The following NLGN1 variants were observed in gnomAD, a reference collection of about 807,000 sequenced individuals.
NLGN1 encodes the protein neuroligin 1, also known as neuroligin-1.
NLGN1 carries 12 observed loss-of-function variants against 65.5 expected under a neutral mutation model. The ratio of observed to expected loss-of-function variants is 0.18; its 90% CI spans 0.12 to 0.30. NLGN1 has a LOEUF of 0.30. NLGN1 is among the 10% of genes least tolerant of loss of function. The pLI is 1.00. For synonymous variants in NLGN1, 350 were observed against 359.5 expected (o/e 0.97, Z 0.30); for missense variants, 750 against 1,007.1 (o/e 0.74, Z 3.46).
intron 2 of NLGN1, among the ~76,000 whole-genome samples, chr3:173,452,152 G>A (rs574101280): frequency 1.3e-5 from 2 of 152,062 alleles, no homozygotes; most frequent in South Asian, 2.1e-4. Flanking sequence ...TGCGTCACTC[G>A]CGCTGGGAGC....
intron 2 of NLGN1, among the ~76,000 whole-genome samples, chr3:173,548,879 A>G (rs1340559032): frequency 6.6e-6 from 1 of 151,942 alleles, no homozygotes; most frequent in Non-Finnish European, 1.5e-5. Flanking sequence ...TCTAGTATTT[A>G]TTCTACACGG....
At position 173,554,641 on chromosome 3, in the gene NLGN1, T is replaced by A. The variant is rs146288601; in HGVS notation, c.-320-49638T>A. On this transcript the variant is annotated intron_variant, in intron 2 of 6. Transcript: ENST00000457714. The stretch of plus-strand genomic sequence containing the variant: ...CAGTTTCTTCCTTTTTATTGATGAA[T>A]AGTATTCCACAATTTATCAGTTCCC... Among the ~76,000 whole-genome samples the A allele has an allele frequency of 4.4e-3, 671 of 152,342 alleles. 6 individuals are homozygous for A. Among genetic ancestry groups the A allele is most frequent in the African/African-American group, 0.016 (645 of 41,588 alleles).
intron 4 of NLGN1, among the ~76,000 whole-genome samples, chr3:174,003,748 T>C (rs989644039): frequency 6.6e-6 from 1 of 152,118 alleles, no homozygotes; most frequent in African/African-American, 2.4e-5. Flanking sequence ...TATCTGCAAA[T>C]CCTAAATGAT....
At chr3:174,294,314 CTCT>C in the NLGN1 span, among the ~76,000 whole-genome samples, 3 of 151,432 alleles carry the variant, frequency 2.0e-5, no homozygotes, top group Admixed American at 6.6e-5. Flanking sequence ...GTTTATTAAT[CTCT>C]TCTTATGAAA....
At chr3:173,942,363 G>T (rs1746311888) in intron 4 of NLGN1, among the ~76,000 whole-genome samples, 1 of 151,996 alleles carries the variant, frequency 6.6e-6, no homozygotes, top group Admixed American at 6.6e-5. Flanking sequence ...AATAGTGTTG[G>T]CTTGAAGCAG....
At chr3:173,551,087 G>T (rs1157816625) in intron 2 of NLGN1, among the ~76,000 whole-genome samples, 1 of 151,928 alleles carries the variant, frequency 6.6e-6, no homozygotes, top group African/African-American at 2.4e-5. Flanking sequence ...TTCTAATCTT[G>T]TCTCACCTTC....
chr3:174,000,183 G>T (rs1365068271), intron 4 of NLGN1, among the ~76,000 whole-genome samples: 1 of 152,058 alleles, frequency 6.6e-6, no homozygotes, highest in Non-Finnish European at 1.5e-5. Flanking sequence ...ATAATACCCT[G>T]ACTACAGATT....
chr3:173,720,687 G>T (rs1770690312), intron 3 of NLGN1, among the ~76,000 whole-genome samples: 1 of 152,112 alleles, frequency 6.6e-6, no homozygotes, highest in Non-Finnish European at 1.5e-5. Flanking sequence ...ATATATTCCA[G>T]ATCTTAACTC....
At chr3:174,038,707 T>C (rs1284664690) in intron 4 of NLGN1, among the ~76,000 whole-genome samples, 3 of 152,186 alleles carry the variant, frequency 2.0e-5, no homozygotes, top group Non-Finnish European at 4.4e-5. Context: ...TAAAGTCAGC[T>C]TCTACAATGA....
At chr3:173,948,515 C>G (rs1296773477) in intron 4 of NLGN1, among the ~76,000 whole-genome samples, 1 of 152,128 alleles carries the variant, frequency 6.6e-6, no homozygotes, top group Non-Finnish European at 1.5e-5. Context: ...ATAATTTGTC[C>G]TCTGTAGAAG....
rs201899233 is a variant in NLGN1, at chr3:173,447,822, G to A, written c.-321+12744G>A. ...TAGGTATTTTATTCTCTTTGAAGCA[G>A]TTGTGAATGGGAGTTCATTCATGAT... is the stretch of plus-strand genomic sequence containing the variant. On this transcript the variant is annotated intron_variant, in intron 2 of 6. Transcript: ENST00000457714. Among the ~76,000 whole-genome samples, 21 of 152,186 alleles carry A rather than the reference G, an allele frequency of 1.4e-4. No homozygotes were observed. In the East Asian group the frequency reaches 1.9e-3, roughly 14 times the overall value.
rs563633562 is a variant in NLGN1 at position 173,655,299 on chromosome 3, A to G, written c.493+50208A>G. ...AAAGCACCTCTGTAGAAAGTATGAA[A>G]GGTGCTTCAGAGAAGTTTTCGAGCC... On this transcript the variant is annotated intron_variant, in intron 3 of 6. Coordinates refer to ENST00000457714, the Ensembl canonical transcript of NLGN1. Among the ~76,000 whole-genome samples the G allele has an allele frequency of 2.0e-5, 3 of 152,276 alleles. No homozygotes were observed. The East Asian group carries it at 5.8e-4, about 29-fold the overall frequency.
intron 3 of NLGN1, among the ~76,000 whole-genome samples, chr3:173,650,316 T>C (rs997362753): frequency 1.3e-5 from 2 of 152,152 alleles, no homozygotes; most frequent in African/African-American, 4.8e-5. Flanking sequence ...GAATAAACTC[T>C]TGCATAGATA....
At chr3:173,808,357 A>T (rs1269954585) in intron 4 of NLGN1, among the ~76,000 whole-genome samples, 1 of 152,160 alleles carries the variant, frequency 6.6e-6, no homozygotes, top group Admixed American at 6.6e-5. Context: ...TTGAAAAAAC[A>T]TGCATTGATT....
At chr3:173,726,850 A>G (rs1468262342) in intron 3 of NLGN1, among the ~76,000 whole-genome samples, 2 of 151,990 alleles carry the variant, frequency 1.3e-5, no homozygotes, top group Non-Finnish European at 2.9e-5. Flanking sequence ...TTTAAAATTA[A>G]TAACAGTCAG....
chr3:173,900,498 G>T (rs1422879917), intron 4 of NLGN1, among the ~76,000 whole-genome samples: 14 of 151,928 alleles, frequency 9.2e-5, no homozygotes, highest in Admixed American at 9.2e-4. Context: ...TTTTTTCCAT[G>T]AATCCCTTTA....
intron 4 of NLGN1, among the ~76,000 whole-genome samples, chr3:174,068,222 T>C (rs1173165734): frequency 6.6e-6 from 1 of 151,980 alleles, no homozygotes; most frequent in African/African-American, 2.4e-5. Flanking sequence ...GGCTCTAATA[T>C]CTTGAGGACA....
intron 4 of NLGN1, among the ~76,000 whole-genome samples, chr3:173,832,857 A>C (rs1049887382): frequency 6.6e-6 from 1 of 152,042 alleles, no homozygotes; most frequent in Non-Finnish European, 1.5e-5. Flanking sequence ...TTGCTTGTTT[A>C]TTTCTATCCA....
intron 4 of NLGN1, among the ~76,000 whole-genome samples, chr3:174,185,025 G>T (rs6806027): frequency 0.32 from 46,175 of 146,060 alleles, 8,329 homozygotes; most frequent in Non-Finnish European, 0.41. Flanking sequence ...ACTAATATAG[G>T]AATGGGACCC....
Sources: gnomAD v4.1 joint callset for allele counts (sites outside exome capture counted in the v4.1 genomes callset) on GRCh38, gnomAD v4.1.1 for gene constraint, MANE v1.5 for transcripts, NCBI Gene and HGNC (gene_info 2026-07-23, HGNC 2026-07-21) for gene names.